Variants in ACIN1 observed in about 807,000 individuals in gnomAD.
The protein encoded by ACIN1 is apoptotic chromatin condensation inducer in the nucleus.
Under a neutral mutation model 146.6 loss-of-function variants are expected in ACIN1, and 16 were observed. That is an observed-to-expected ratio of 0.11 (90% CI 0.07 to 0.17). ACIN1 has a LOEUF of 0.17. ACIN1 is among the 10% of genes least tolerant of loss of function. ACIN1 has a pLI of 1.00. For missense variants in ACIN1, 1,357 were observed against 1,609.3 expected (o/e 0.84, Z 2.68); for synonymous variants, 569 against 582.7 (o/e 0.98, Z 0.34).
At position 23,068,811 on chromosome 14, in the gene ACIN1, C is replaced by T; in HGVS notation, c.2265+665G>A. ...CAACAGTCCCTCCCACCTTGTTACC[C>T]CTCTCCTAAACCCAGCTCATTCTTT... is the stretch of plus-strand genomic sequence containing the variant. On this transcript the variant is annotated intron_variant, in intron 9 of 18. Coordinates refer to ENST00000605057, the MANE Select transcript of ACIN1 (RefSeq NM_001386863.1). This position sits in a 1 kb window ranked among gnomAD's most constrained non-coding sequence, Gnocchi z 4.3. 1 of 985,442 alleles carries T rather than the reference C, an allele frequency of 1.0e-6. No individual in the cohort carries two copies. Among genetic ancestry groups the T allele is most frequent in the Non-Finnish European group, 1.2e-6 (1 of 829,956 alleles). The allele number at this position is 985,442 out of a possible 1,614,324, so 61.0% of individuals were successfully genotyped here.
At chr14:23,079,446 C>T (rs1239600293) in intron 6 of ACIN1, 101 bp downstream of exon 6, 3 of 1,526,982 alleles carry the variant, frequency 2.0e-6, no homozygotes, top group African/African-American at 1.4e-5. Flanking sequence ...GGAGGCTTTT[C>T]CTATTCCTTT....
chr14:23,089,837 C>T (rs1368823815), intron 4 of ACIN1, 145 bp downstream of exon 4: 5 of 1,176,222 alleles, frequency 4.3e-6, no homozygotes, highest in Non-Finnish European at 5.7e-6. Context: ...GGTATACTTT[C>T]CATGAGAAAC....
At position 23,095,118 on chromosome 14, in the gene ACIN1, G is replaced by C; in HGVS notation, c.-6C>G. ...ACCTCCTCCAGCTCCGCCATCTTGC[G>C]TGAGGTACTCGGGTCCGTCCCGACG... On this transcript the variant is annotated 5_prime_UTR_variant, in exon 1 of 19. Transcript: ENST00000605057. 6.2e-7 allele frequency: 1 copy of C among 1,614,236 alleles called. No individual in the cohort carries two copies. The highest frequency in any genetic ancestry group is 8.5e-7 in the Non-Finnish European group (1 of 1,180,046).
Position 23,064,410 on chromosome 14 carries a change from C to T in ACIN1, c.2387G>A (p.Ser796Asn), listed in dbSNP as rs1353644048. The T allele has an allele frequency of 1.9e-6, 3 of 1,614,258 alleles. No individual in the cohort carries two copies. The South Asian group carries it at 3.3e-5, about 18-fold the overall frequency. ...QPGRKRRWGA[S>N]TATTQKKPSI... ...AGGTTTCTTCTGTGTGGTGGCTGTG[C>T]TGGCTCCCCAGCGTCGTTTCCGACC... Residue 796 changes from serine (S) to asparagine (N), a missense_variant, in exon 11 of 19, where the codon AGC (serine) becomes AAC (asparagine). Transcript: ENST00000605057.
chr14:23,094,944 C>T, intron 1 of ACIN1, 31 bp downstream of exon 1: 3 of 1,560,602 alleles, frequency 1.9e-6, no homozygotes, highest in Non-Finnish European at 2.6e-6. Flanking sequence ...GTCCGCTCTC[C>T]TCCGACACCC....
In ACIN1 at chr14:23,081,631, A is replaced by G. The variant is rs1441380772; in HGVS notation, c.525+117T>C. 6 of 927,456 alleles carry G rather than the reference A, an allele frequency of 6.5e-6. No individual in the cohort carries two copies. The Admixed American group carries it at 1.3e-4, about 20-fold the overall frequency. The allele number at this position is 927,456 out of a possible 1,614,324, so 57.5% of individuals were successfully genotyped here. On this transcript the variant is annotated intron_variant, in intron 5 of 18. Transcript: ENST00000605057. ...GGCGACAGAGCCAGACTCTGTCCCA[A>G]AAAAGAAAAACAAAACCCCTAAATG... is the stretch of plus-strand genomic sequence containing the variant.
chr14:23,079,537 T>C lies in ACIN1; in HGVS notation c.1788+10A>G, dbSNP rs2047887788. On this transcript the variant is annotated intron_variant, in intron 6 of 18. Coordinates refer to ENST00000605057, the MANE Select transcript of ACIN1 (RefSeq NM_001386863.1). ...GAACATTAATACACCCGGGATTCTC[T>C]CATACTCACTTTTCTGCTGTTGCTT... The C allele has an allele frequency of 2.5e-6, 4 of 1,612,258 alleles. No homozygotes were observed.
At position 23,063,535 on chromosome 14, in the gene ACIN1, C is replaced by G. The variant is rs551435155; in HGVS notation, c.2638G>C (p.Glu880Gln). ...GCTTCAGGTTCCTTCTCTTCTTCCT[C>G]TTCTTCCCTCTGCCCATTCTCCTGG... ...EGQENGQREE[E>Q]EEEKEPEAEP... is the part of the protein sequence containing the mutation. Residue 880 changes from glutamate (E) to glutamine (Q), a missense_variant, in exon 13 of 19, where the codon GAG becomes CAG. By Grantham distance (29) the Glu-to-Gln change is conservative (BLOSUM62 2). Coordinates refer to ENST00000605057, the MANE Select transcript of ACIN1 (RefSeq NM_001386863.1). 1.2e-6 allele frequency: 2 copies of G among 1,614,212 alleles called. No individual in the cohort carries two copies. Among genetic ancestry groups the G allele is most frequent in the South Asian group, 2.2e-5 (2 of 91,084 alleles).
Position 23,058,950 on chromosome 14 carries a change from G to C in ACIN1, c.*198C>G. The C allele has an allele frequency of 1.7e-6, 1 of 573,878 alleles. No homozygotes were observed. The highest frequency in any genetic ancestry group is 2.4e-5 in the South Asian group (1 of 41,136). 35.5% of individuals were successfully genotyped at this position (573,878 alleles called of 1,614,324 possible). A position where few individuals can be genotyped will look rare whatever the true frequency, so the allele number is the denominator to read the frequency against. On this transcript the variant is annotated 3_prime_UTR_variant, in exon 19 of 19. Transcript: ENST00000605057. The stretch of plus-strand genomic sequence containing the variant: ...TTAATGGGAAATGAGAGGGAGGGTC[G>C]GGCTAAGTCCCAAGAGATAGGTTAA...
At chr14:23,076,413 A>G (rs1289243142) in intron 8 of ACIN1, 1 of 152,186 alleles carries the variant, frequency 6.6e-6, no homozygotes, top group Non-Finnish European at 1.5e-5. Context: ...TCATCTTATT[A>G]GAATCAATGT....
chr14:23,059,956 G>GTT (rs397830741), intron 18 of ACIN1, among the ~76,000 whole-genome samples: 7,961 of 99,954 alleles, frequency 0.08, 608 homozygotes, highest in Middle Eastern at 0.13. Context: ...CGCCCCGCCA[G>GTT]TTTTTTTTTT....
At position 23,059,044 on chromosome 14, in the gene ACIN1, G is replaced by A; in HGVS notation, c.*104C>T. 1 of 1,121,020 alleles carries A rather than the reference G, an allele frequency of 8.9e-7. No individual in the cohort carries two copies. The highest frequency in any genetic ancestry group is 1.3e-6 in the Non-Finnish European group (1 of 770,380). The allele number at this position is 1,121,020 out of a possible 1,614,324, so 69.4% of individuals were successfully genotyped here. A position where few individuals can be genotyped will look rare whatever the true frequency, so the allele number is the denominator to read the frequency against. ...GTATGTATGTAGGGATAGGTGATGT[G>A]AAAGACCCTTGGCTCCAGGGTGGTG... is the stretch of plus-strand genomic sequence containing the variant. On this transcript the variant is annotated 3_prime_UTR_variant, in exon 19 of 19. Transcript: ENST00000605057.
chr14:23,059,409 T>C lies in ACIN1; in HGVS notation c.3591A>G (p.Gln1197=), dbSNP rs757716780. The change falls in exon 19 of 19, where the codon CAA becomes CAG. Residue 1197 remains glutamine (Q), a synonymous_variant. Coordinates refer to ENST00000605057, the MANE Select transcript of ACIN1 (RefSeq NM_001386863.1). ...CCCGCTCCTTTTGCTCTTCTTCTTC[T>C]TGCTCCTTTCGCCGCTTCTCCCGCT... ...AKEREKRRKE[Q]EEEEQKEREK... 6.2e-7 allele frequency: 1 copy of C among 1,613,860 alleles called. No homozygotes were observed. Among genetic ancestry groups the C allele is most frequent in the Non-Finnish European group, 8.5e-7 (1 of 1,179,910 alleles).
intron 8 of ACIN1, 35 bp from the exon 9 acceptor site, chr14:23,069,652 G>GGGGGGGGGGGGGC: frequency 5.2e-6 from 3 of 577,964 alleles, no homozygotes; most frequent in Non-Finnish European, 3.3e-6. Context: ...GGGGGGGCGG[G>GGGGGGGGGGGGGC]CAGAAAAGAA....
At chr14:23,063,861 G>C (rs2047367420) in intron 12 of ACIN1, among the ~76,000 whole-genome samples, 1 of 152,234 alleles carries the variant, frequency 6.6e-6, no homozygotes, top group Non-Finnish European at 1.5e-5. Context: ...CTCTGGTGAT[G>C]TTGTAGTGAA....
In ACIN1 at chr14:23,063,464, G is replaced by C. The variant is rs1446471304; in HGVS notation, c.2709C>G (p.Pro903=). 6.2e-7 allele frequency: 1 copy of C among 1,614,114 alleles called. No homozygotes were observed. The highest frequency in any genetic ancestry group is 8.5e-7 in the Non-Finnish European group (1 of 1,180,002). ...TCTTTACTTCATGCTCTGCAGGTGGGGGCAAGGCCACCTCTACTGACACCT... is the reference window on the plus strand; with the variant it reads ...TCTTTACTTCATGCTCTGCAGGTGGCGGCAAGGCCACCTCTACTGACACCT... ...PPQVSVEVAL[P]PPAEHEVKKV... is the part of the protein sequence containing the mutation. The change falls in exon 13 of 19, where the codon CCC becomes CCG. Residue 903 remains proline, a synonymous_variant. Coordinates refer to ENST00000605057, the MANE Select transcript of ACIN1 (RefSeq NM_001386863.1).
At chr14:23,064,548 CG>C in intron 10 of ACIN1, 60 bp from the exon 11 acceptor site, 1 of 1,589,666 alleles carries the variant, frequency 6.3e-7, no homozygotes, top group Non-Finnish European at 8.6e-7. Flanking sequence ...TAGTTCAAAC[CG>C]TAATACCTAC....
intron 18 of ACIN1, among the ~76,000 whole-genome samples, chr14:23,059,956 GTTTTTT>G (rs397830741): frequency 9.1e-4 from 91 of 100,136 alleles, no homozygotes; most frequent in African/African-American, 3.6e-3. Context: ...CGCCCCGCCA[GTTTTTT>G]TTTTTTTTTT....
At chr14:23,059,495 C>G (rs1474259524) in intron 18 of ACIN1, 21 bp from the exon 19 acceptor site, 5 of 1,602,018 alleles carry the variant, frequency 3.1e-6, no homozygotes, top group Non-Finnish European at 4.3e-6. Context: ...GTAGGAAAGG[C>G]AGAGAATAGG....
Sources: allele counts gnomAD v4.1 joint callset (sites outside exome capture counted in the v4.1 genomes callset), GRCh38; gene constraint gnomAD v4.1.1; non-coding constraint Gnocchi (gnomAD v3.1); transcripts MANE v1.5; gene names NCBI Gene and HGNC (gene_info 2026-07-23, HGNC 2026-07-21).